Variants in AGBL4 observed in about 807,000 individuals in gnomAD.
AGBL4 encodes AGBL carboxypeptidase 4, also known as cytosolic carboxypeptidase 6.
A neutral mutation model predicts 66.4 loss-of-function variants in AGBL4; 58 were observed. The observed-to-expected ratio is 0.87, with a 90% CI of 0.71 to 1.09. The LOEUF is 1.09. AGBL4 is among the 50% of genes least tolerant of loss of function. The pLI is 0.00. For synonymous variants in AGBL4, 234 were observed against 222.9 expected (o/e 1.05, Z -0.44); for missense variants, 579 against 631.0 (o/e 0.92, Z 0.88).
intron 3 of AGBL4, among the ~76,000 whole-genome samples, chr1:49,344,279 T>G (rs1400696903): frequency 6.6e-6 from 1 of 151,596 alleles, no homozygotes; most frequent in African/African-American, 2.4e-5. Flanking sequence ...ACCTGCACAA[T>G]GTGCACATGT....
At chr1:49,012,887 AGC>A (rs1662551453) in intron 5 of AGBL4, among the ~76,000 whole-genome samples, 1 of 152,224 alleles carries the variant, frequency 6.6e-6, no homozygotes, top group South Asian at 2.1e-4. Flanking sequence ...TGAGGGCATG[AGC>A]CCTCATTATG....
intron 4 of AGBL4, among the ~76,000 whole-genome samples, chr1:49,231,182 T>C (rs955618576): frequency 6.6e-6 from 1 of 152,184 alleles, no homozygotes; most frequent in Non-Finnish European, 1.5e-5. Flanking sequence ...TTCCATTTTA[T>C]ATCTAAGGAA....
At chr1:48,755,416 A>G (rs1652391200) in intron 6 of AGBL4, among the ~76,000 whole-genome samples, 2 of 152,218 alleles carry the variant, frequency 1.3e-5, no homozygotes, top group South Asian at 4.2e-4. Flanking sequence ...TCCAGCACCC[A>G]AGCTAGACAA....
At chr1:48,711,274 C>G (rs1279391814) in intron 6 of AGBL4, among the ~76,000 whole-genome samples, 1 of 152,178 alleles carries the variant, frequency 6.6e-6, no homozygotes, top group Non-Finnish European at 1.5e-5. Flanking sequence ...CTGGAAAATG[C>G]TACATATTGG....
At chr1:49,936,723 T>C (rs12135587) in intron 1 of AGBL4, among the ~76,000 whole-genome samples, 4,632 of 152,252 alleles carry the variant, frequency 0.03, 107 homozygotes, top group Non-Finnish European at 0.043. Flanking sequence ...CAGAATTTCA[T>C]ATCCAGCCAA....
intron 1 of AGBL4, among the ~76,000 whole-genome samples, chr1:50,002,880 T>C (rs1660867974): frequency 6.6e-6 from 1 of 152,198 alleles, no homozygotes; most frequent in Non-Finnish European, 1.5e-5. Context: ...AATTTTAAAA[T>C]CTTATTATAA....
At chr1:48,729,860 C>T (rs1647820506) in intron 6 of AGBL4, among the ~76,000 whole-genome samples, 1 of 151,576 alleles carries the variant, frequency 6.6e-6, no homozygotes, top group Non-Finnish European at 1.5e-5. Context: ...CCTGACTAAT[C>T]CTCACTTCAT....
At chr1:48,548,556 C>A (rs962010518) in intron 11 of AGBL4, among the ~76,000 whole-genome samples, 1 of 152,220 alleles carries the variant, frequency 6.6e-6, no homozygotes, top group African/African-American at 2.4e-5. Context: ...TCGGCAGAGA[C>A]AAGCCTCACA....
intron 3 of AGBL4, among the ~76,000 whole-genome samples, chr1:49,670,182 T>C (rs993235460): frequency 6.6e-6 from 1 of 152,124 alleles, no homozygotes; most frequent in Non-Finnish European, 1.5e-5. Flanking sequence ...TCAGAGCTTT[T>C]GGTACAAACA....
At chr1:49,757,095 C>T (rs1651943560) in intron 2 of AGBL4, among the ~76,000 whole-genome samples, 1 of 152,100 alleles carries the variant, frequency 6.6e-6, no homozygotes, top group Non-Finnish European at 1.5e-5. Context: ...ATGCTGTTCT[C>T]ATGATAGTGA....
chr1:48,559,068 A>G (rs963270183), intron 11 of AGBL4, among the ~76,000 whole-genome samples: 1 of 152,198 alleles, frequency 6.6e-6, no homozygotes. Flanking sequence ...GGGTCATAGA[A>G]TATTGATTTT....
chr1:49,141,975 C>A (rs1646126534), intron 4 of AGBL4, among the ~76,000 whole-genome samples: 1 of 152,130 alleles, frequency 6.6e-6, no homozygotes, highest in Non-Finnish European at 1.5e-5. Context: ...CTGCTAGGAA[C>A]TGAGCCACAC....
At chr1:48,836,455 ATACT>A (rs753948378) in intron 6 of AGBL4, among the ~76,000 whole-genome samples, 22 of 152,210 alleles carry the variant, frequency 1.4e-4, no homozygotes, top group East Asian at 1.4e-3. Flanking sequence ...TCCTAAAAAC[ATACT>A]TGCGGGAATG....
At chr1:49,678,001 A>G (rs773979880) in intron 3 of AGBL4, among the ~76,000 whole-genome samples, 11 of 152,298 alleles carry the variant, frequency 7.2e-5, no homozygotes, top group Non-Finnish European at 1.5e-4. Context: ...CCTAAAGCTG[A>G]CTTGGATAAA....
intron 3 of AGBL4, among the ~76,000 whole-genome samples, chr1:49,311,766 C>T (rs1251314598): frequency 1.3e-5 from 2 of 151,676 alleles, no homozygotes; most frequent in Non-Finnish European, 2.9e-5. Context: ...TCTTTCAAAA[C>T]CCAAGAGGAC....
intron 5 of AGBL4, among the ~76,000 whole-genome samples, chr1:48,981,457 A>T (rs534382116): frequency 3.3e-5 from 5 of 152,352 alleles, no homozygotes; most frequent in African/African-American, 1.2e-4. Flanking sequence ...TGAGAAGCAA[A>T]AAAAGTATGT....
intron 3 of AGBL4, among the ~76,000 whole-genome samples, chr1:49,661,196 A>G (rs779979958): frequency 6.6e-6 from 1 of 152,180 alleles, no homozygotes; most frequent in Non-Finnish European, 1.5e-5. Flanking sequence ...AAAATTCAAC[A>G]TAACTAGTCA....
intron 1 of AGBL4, among the ~76,000 whole-genome samples, chr1:49,929,175 G>A (rs1393932727): frequency 6.6e-6 from 1 of 152,006 alleles, no homozygotes; most frequent in Admixed American, 6.6e-5. Context: ...GAAGGGGAGG[G>A]GGGCAAAGAT....
chr1:49,739,849 T>G (rs937744231), intron 2 of AGBL4, among the ~76,000 whole-genome samples: 1 of 152,026 alleles, frequency 6.6e-6, no homozygotes, highest in South Asian at 2.1e-4. Context: ...GACAAGCAAA[T>G]GCTGAGAGAT....
Sources: gnomAD v4.1 joint callset for allele counts (sites outside exome capture counted in the v4.1 genomes callset) on GRCh38, gnomAD v4.1.1 for gene constraint, MANE v1.5 for transcripts, NCBI Gene and HGNC (gene_info 2026-07-23, HGNC 2026-07-21) for gene names.